LIN7A: variants seen among roughly 807,000 people sequenced by gnomAD.
The protein encoded by LIN7A is lin-7 cell polarity scaffold A.
LIN7A carries 25 observed loss-of-function variants against 29.8 expected under a neutral mutation model. The observed-to-expected ratio is 0.84, with a 90% CI of 0.61 to 1.17. The LOEUF (loss-of-function observed/expected upper bound fraction) is 1.17. LIN7A is among the 50% of genes most tolerant of loss of function. The probability of loss-of-function intolerance (pLI) is 0.00; values close to 1 mark genes in which losing one functional copy is unlikely to be tolerated. For synonymous variants in LIN7A, 118 were observed against 107.5 expected (o/e 1.10, Z -0.60); for missense variants, 239 against 287.0 (o/e 0.83, Z 1.21).
At chr12:80,911,601 A>T (rs1339242521) in intron 1 of LIN7A, among the ~76,000 whole-genome samples, 2 of 152,210 alleles carry the variant, frequency 1.3e-5, no homozygotes, top group East Asian at 3.8e-4. Context: ...CCTGAAAATT[A>T]TTCTTGTACC....
intron 4 of LIN7A, among the ~76,000 whole-genome samples, chr12:80,814,309 T>C (rs1330729478): frequency 6.6e-6 from 1 of 152,218 alleles, no homozygotes; most frequent in Non-Finnish European, 1.5e-5. Context: ...GGTCCCATGA[T>C]GATTTGTTAA....
intron 1 of LIN7A, among the ~76,000 whole-genome samples, chr12:80,904,195 T>A (rs1876361704): frequency 6.6e-6 from 1 of 151,972 alleles, no homozygotes; most frequent in Non-Finnish European, 1.5e-5. Context: ...ACAAAAAAAA[T>A]TGCACACACA....
At chr12:80,915,627 G>A (rs900698532) in intron 1 of LIN7A, among the ~76,000 whole-genome samples, 1 of 152,204 alleles carries the variant, frequency 6.6e-6, no homozygotes, top group Non-Finnish European at 1.5e-5. Context: ...CAACCTAGTT[G>A]TCCATCGATG....
chr12:80,880,688 C>A (rs1256082584), intron 2 of LIN7A, among the ~76,000 whole-genome samples: 1 of 151,818 alleles, frequency 6.6e-6, no homozygotes, highest in East Asian at 1.9e-4. Context: ...TATGTACTTG[C>A]AGTATCAAGA....
intron 2 of LIN7A, among the ~76,000 whole-genome samples, chr12:80,858,858 A>C (rs1873731742): frequency 6.6e-6 from 1 of 152,142 alleles, no homozygotes; most frequent in African/African-American, 2.4e-5. Flanking sequence ...GTTGTAAAAT[A>C]AGGTTTACTT....
At chr12:80,832,533 GCTC>G (rs1473737078) in intron 4 of LIN7A, 1 of 481,586 alleles carries the variant, frequency 2.1e-6, no homozygotes. Flanking sequence ...TTTCCAGAAT[GCTC>G]CTCATTTATT....
At chr12:80,845,268 A>T (rs541699511) in intron 4 of LIN7A, among the ~76,000 whole-genome samples, 1 of 151,460 alleles carries the variant, frequency 6.6e-6, no homozygotes, top group Non-Finnish European at 1.5e-5. Flanking sequence ...TTTTGAGTGC[A>T]TTAGCCTTTT....
At chr12:80,835,420 C>G (rs953166295) in intron 4 of LIN7A, among the ~76,000 whole-genome samples, 14 of 152,080 alleles carry the variant, frequency 9.2e-5, no homozygotes, top group Admixed American at 9.2e-4. Context: ...AATGACTTGC[C>G]CATAATCAAC....
intron 5 of LIN7A, among the ~76,000 whole-genome samples, chr12:80,801,372 C>A (rs1267625306): frequency 6.6e-6 from 1 of 152,058 alleles, no homozygotes; most frequent in Non-Finnish European, 1.5e-5. Flanking sequence ...GAGAAGGATT[C>A]CACTACCGCT....
chr12:80,819,115 ATCACAT>A (rs926080983), intron 4 of LIN7A, among the ~76,000 whole-genome samples: 5 of 152,216 alleles, frequency 3.3e-5, no homozygotes, highest in African/African-American at 4.8e-5. Context: ...AGAATGAGAC[ATCACAT>A]TCACATAACT....
chr12:80,894,419 T>A (rs1031025084), intron 1 of LIN7A, among the ~76,000 whole-genome samples: 1 of 152,192 alleles, frequency 6.6e-6, no homozygotes, highest in Non-Finnish European at 1.5e-5. Context: ...AGGCAAATAC[T>A]TGCATATTAC....
Position 80,832,972 on chromosome 12 carries a change from C to T in LIN7A, c.483+12758G>A, listed in dbSNP as rs146127848. On this transcript the variant is annotated intron_variant, in intron 4 of 5. Transcript: ENST00000552864. Reference sequence around the variant, plus strand: ...AAACATTCTACAATGCACAGAATGGCCTCCCCCAGAAAGAATTATCCCATT... The same window carrying T: ...AAACATTCTACAATGCACAGAATGGTCTCCCCCAGAAAGAATTATCCCATT... Among the ~76,000 whole-genome samples, 37 of 152,124 alleles carry T rather than the reference C, an allele frequency of 2.4e-4. No individual in the cohort carries two copies. In the East Asian group the frequency reaches 4.3e-3, roughly 17 times the overall value.
At position 80,795,728 on chromosome 12, in the gene LIN7A, T is replaced by A. The variant is rs1369588885; in HGVS notation, c.*1999A>T. 6.6e-6 allele frequency: 1 copy of A among 152,152 alleles called. No individual in the cohort carries two copies. Among genetic ancestry groups the A allele is most frequent in the Non-Finnish European group, 1.5e-5 (1 of 68,002 alleles). 9.4% of individuals were successfully genotyped at this position (152,152 alleles called of 1,614,324 possible). ...GCATTGCCTGAATAGCTTTAATATA[T>A]CTTTGTTAAATGATAACTAAAATAT... is the stretch of plus-strand genomic sequence containing the variant. On this transcript the variant is annotated 3_prime_UTR_variant, in exon 6 of 6. Transcript: ENST00000552864.
At position 80,921,945 on chromosome 12, in the gene LIN7A, G is replaced by A. The variant is rs544171845; in HGVS notation, c.82+15696C>T. On this transcript the variant is annotated intron_variant, in intron 1 of 5. Coordinates refer to ENST00000552864, the MANE Select transcript of LIN7A (RefSeq NM_004664.4). ...AGAAGGATGCAAATATTCCCTTTGA[G>A]TTCACAAAATAAGTATCTCAGAATT... is the stretch of plus-strand genomic sequence containing the variant. Among the ~76,000 whole-genome samples, 10 of 152,270 alleles carry A rather than the reference G, an allele frequency of 6.6e-5. No homozygotes were observed. The South Asian group carries it at 2.1e-3, about 32-fold the overall frequency.
chr12:80,882,505 C>A, intron 2 of LIN7A, among the ~76,000 whole-genome samples: 1 of 150,818 alleles, frequency 6.6e-6, no homozygotes, highest in East Asian at 1.9e-4. Context: ...GGGATGGTCT[C>A]GATCTCCTGA....
Position 80,839,329 on chromosome 12 carries a change from T to C in LIN7A, c.483+6401A>G, listed in dbSNP as rs192934709. The stretch of plus-strand genomic sequence containing the variant: ...GATTGGGCAAGTTGCTTGATCTCTC[T>C]CTTCCTCAGTTTCTTCATTTGTAAA... On this transcript the variant is annotated intron_variant, in intron 4 of 5. Coordinates refer to ENST00000552864, the MANE Select transcript of LIN7A (RefSeq NM_004664.4). Among the ~76,000 whole-genome samples, 13 of 152,356 alleles carry C rather than the reference T, an allele frequency of 8.5e-5. 1 individual carries two copies. In the East Asian group the frequency reaches 2.5e-3, roughly 29 times the overall value.
intron 2 of LIN7A, among the ~76,000 whole-genome samples, chr12:80,854,171 T>C (rs962564833): frequency 2.0e-5 from 3 of 152,200 alleles, no homozygotes; most frequent in Non-Finnish European, 2.9e-5. Context: ...GAAATACTTA[T>C]AGCAACTTTA....
intron 2 of LIN7A, among the ~76,000 whole-genome samples, chr12:80,854,572 A>G (rs2121549624): frequency 6.6e-6 from 1 of 151,976 alleles, no homozygotes; most frequent in East Asian, 1.9e-4. Context: ...GATAGAAAGC[A>G]GATCAAAGGC....
intron 1 of LIN7A, among the ~76,000 whole-genome samples, chr12:80,932,390 T>C (rs892798596): frequency 2.6e-5 from 4 of 152,242 alleles, no homozygotes; most frequent in Non-Finnish European, 5.9e-5. Context: ...GTTTAATCAA[T>C]ATTTTAAATT....
Sources: allele counts gnomAD v4.1 joint callset (sites outside exome capture counted in the v4.1 genomes callset), GRCh38; gene constraint gnomAD v4.1.1; transcripts MANE v1.5; gene names NCBI Gene and HGNC (gene_info 2026-07-23, HGNC 2026-07-21).